TAF4: variants seen among roughly 807,000 people sequenced by gnomAD.
The protein encoded by TAF4 is TATA-box binding protein associated factor 4.
A neutral mutation model predicts 90.3 loss-of-function variants in TAF4; 9 were observed. The ratio of observed to expected loss-of-function variants is 0.10; its 90% CI spans 0.06 to 0.17. The LOEUF (loss-of-function observed/expected upper bound fraction) is 0.17, where lower values mean the gene tolerates loss of function less well. Ranked by LOEUF, TAF4 falls within the 10% of genes least tolerant of loss-of-function variation. The probability of loss-of-function intolerance (pLI) is 1.00; values close to 1 mark genes in which losing one functional copy is unlikely to be tolerated. For missense variants in TAF4, 1,351 were observed against 1,370.7 expected (o/e 0.99, Z 0.23); for synonymous variants, 818 against 638.9 (o/e 1.28, Z -4.23).
rs28382088 is a variant in TAF4, at chr20:62,003,810, G to A, written c.2292C>T (p.Pro764=). Residue 764 remains proline (P), a synonymous_variant, in exon 8 of 15, where the codon CCC becomes CCT. Transcript: ENST00000252996. The stretch of plus-strand genomic sequence containing the variant: ...TGTGAGGCTGCCGCAGGGCGACCAT[G>A]GGTGTCTGCGTCAACGTCACCTGCG... ...RPPQVTLTQT[P]MVALRQPHNR... 3.1e-6 allele frequency: 5 copies of A among 1,608,256 alleles called. No individual in the cohort carries two copies. In the Admixed American group the frequency reaches 6.7e-5, roughly 22 times the overall value.
chr20:62,045,664 T>C (rs922114808), intron 1 of TAF4, among the ~76,000 whole-genome samples: 2 of 152,232 alleles, frequency 1.3e-5, no homozygotes, highest in African/African-American at 4.8e-5. Context: ...ACTGCCTTGT[T>C]TGTGAGTGTA....
At chr20:61,992,710 C>G (rs2055638829) in intron 14 of TAF4, among the ~76,000 whole-genome samples, 1 of 152,166 alleles carries the variant, frequency 6.6e-6, no homozygotes, top group South Asian at 2.1e-4. Context: ...CCATTTCCCA[C>G]TAGAAGAAAC....
At chr20:62,045,762 G>A (rs1485863550) in intron 1 of TAF4, among the ~76,000 whole-genome samples, 4 of 152,176 alleles carry the variant, frequency 2.6e-5, no homozygotes, top group Non-Finnish European at 5.9e-5. Flanking sequence ...AAGAGCAGGC[G>A]GGCATGAAAA....
chr20:62,035,946 A>G (rs2055929879), intron 1 of TAF4, among the ~76,000 whole-genome samples: 1 of 152,074 alleles, frequency 6.6e-6, no homozygotes, highest in Admixed American at 6.6e-5. Flanking sequence ...TAGAAAATTA[A>G]TTTCCTCTAT....
At chr20:62,002,802 G>A (rs1039243241) in intron 9 of TAF4, among the ~76,000 whole-genome samples, 2 of 152,210 alleles carry the variant, frequency 1.3e-5, no homozygotes, top group African/African-American at 4.8e-5. Context: ...GAGCAGTACA[G>A]CATTTCTGAG....
intron 1 of TAF4, among the ~76,000 whole-genome samples, chr20:62,030,133 C>T (rs375149792): frequency 3.3e-5 from 5 of 152,194 alleles, no homozygotes; most frequent in East Asian, 3.9e-4. Context: ...TGTGCGGCCA[C>T]GTGCACAAGG....
chr20:62,027,896 CT>C (rs2055883493), intron 1 of TAF4, among the ~76,000 whole-genome samples: 1 of 152,250 alleles, frequency 6.6e-6, no homozygotes, highest in Non-Finnish European at 1.5e-5. Flanking sequence ...CCCTTGACCC[CT>C]CTCAGTTCCC....
At chr20:62,027,191 G>C (rs562395677) in intron 1 of TAF4, among the ~76,000 whole-genome samples, 2 of 152,318 alleles carry the variant, frequency 1.3e-5, no homozygotes, top group South Asian at 4.1e-4. Context: ...TCAGGGCCCA[G>C]TGCAGAAACC....
chr20:62,017,299 T>C (rs1015047612), intron 1 of TAF4, among the ~76,000 whole-genome samples: 3 of 152,226 alleles, frequency 2.0e-5, no homozygotes, highest in Admixed American at 6.5e-5. Context: ...GACATTCTCA[T>C]AGTGAGTGAA....
At position 61,996,401 on chromosome 20, in the gene TAF4, A is replaced by T. The variant is rs555353697; in HGVS notation, c.3090+1149T>A. On this transcript the variant is annotated intron_variant, in intron 14 of 14. Transcript: ENST00000252996. The stretch of plus-strand genomic sequence containing the variant: ...CTGCGTCTAAAAAAATTAAAAATTA[A>T]AAATTACAGCAGGACATCAGAAGAC... Among the ~76,000 whole-genome samples the T allele has an allele frequency of 1.6e-4, 25 of 152,304 alleles. No individual in the cohort carries two copies. In the South Asian group the frequency reaches 3.1e-3, roughly 19 times the overall value.
Position 62,043,501 on chromosome 20 carries a change from G to A in TAF4, c.1360+20950C>T, listed in dbSNP as rs373755638. The stretch of plus-strand genomic sequence containing the variant: ...TCCATAGTCCCTAAGCATACCCTAA[G>A]CATAGAGTGCCCCAGAGCCTACAGC... On this transcript the variant is annotated intron_variant, in intron 1 of 14. Coordinates refer to ENST00000252996, the MANE Select transcript of TAF4 (RefSeq NM_003185.4). Among the ~76,000 whole-genome samples, 109 of 152,238 alleles carry A rather than the reference G, an allele frequency of 7.2e-4. 1 individual carries two copies. In the South Asian group the frequency reaches 0.022, roughly 30 times the overall value.
At chr20:62,032,353 C>T (rs960661695) in intron 1 of TAF4, among the ~76,000 whole-genome samples, 3 of 152,346 alleles carry the variant, frequency 2.0e-5, no homozygotes, top group Non-Finnish European at 2.9e-5. Context: ...AAAGTCTACA[C>T]GTTTGTCCAG....
chr20:62,059,425 G>T (rs551641852), intron 1 of TAF4, among the ~76,000 whole-genome samples: 2 of 152,136 alleles, frequency 1.3e-5, no homozygotes, highest in Non-Finnish European at 1.5e-5. Context: ...CCCCATTTTC[G>T]AACATAACTT....
chr20:62,065,347 G>A lies in TAF4; in HGVS notation c.464C>T (p.Ala155Val). Reference sequence around the variant, plus strand: ...GGGGCCGGCGGGCTTGGCGGGGCCGGCGGGGGCGGGCTCGGGCCCCGCGGC... The same window carrying A: ...GGGGCCGGCGGGCTTGGCGGGGCCGACGGGGGCGGGCTCGGGCCCCGCGGC... ...AVAAGPEPAP[A>V]GPAKPAGPAA... The change falls in exon 1 of 15, where the codon GCC becomes GTC. Residue 155 changes from alanine to valine, a missense_variant. Coordinates refer to ENST00000252996, the MANE Select transcript of TAF4 (RefSeq NM_003185.4). The A allele has an allele frequency of 7.3e-6, 7 of 965,020 alleles. No homozygotes were observed. The highest frequency in any genetic ancestry group is 8.6e-6 in the Non-Finnish European group (7 of 817,418). 59.8% of individuals were successfully genotyped at this position (965,020 alleles called of 1,614,324 possible).
In TAF4 at chr20:61,975,198, G is replaced by A. The variant is rs750978550; in HGVS notation, c.*970C>T. The A allele has an allele frequency of 7.9e-5, 12 of 152,272 alleles. No homozygotes were observed. The highest frequency in any genetic ancestry group is 1.9e-4 in the East Asian group (1 of 5,170). 9.4% of individuals were successfully genotyped at this position (152,272 alleles called of 1,614,324 possible). ...ACAAAGAAGGGGCTTTGCTCTGGACGTCTGTAAAGTCGGCCCAAGGCTTGC... is the reference window on the plus strand; with the variant it reads ...ACAAAGAAGGGGCTTTGCTCTGGACATCTGTAAAGTCGGCCCAAGGCTTGC... On this transcript the variant is annotated 3_prime_UTR_variant, in exon 15 of 15. Coordinates refer to ENST00000252996, the MANE Select transcript of TAF4 (RefSeq NM_003185.4).
chr20:62,054,954 C>G (rs2056052119), intron 1 of TAF4, among the ~76,000 whole-genome samples: 1 of 152,166 alleles, frequency 6.6e-6, no homozygotes, highest in Non-Finnish European at 1.5e-5. Context: ...TGTCTTCACC[C>G]CTCCCTCCAG....
Position 62,065,375 on chromosome 20 carries a change from C to T in TAF4, c.436G>A (p.Val146Ile). Residue 146 changes from valine (V) to isoleucine (I), a missense_variant, in exon 1 of 15, where the codon GTC becomes ATC. Physicochemically the swap from Val to Ile is conservative, Grantham distance 29 (BLOSUM62 3). Transcript: ENST00000252996. ...GGGGCGGGCTCGGGCCCCGCGGCGACGGCGGCGGCGGCGGGCACCGGGGCG... is the reference window on the plus strand; with the variant it reads ...GGGGCGGGCTCGGGCCCCGCGGCGATGGCGGCGGCGGCGGGCACCGGGGCG... The part of the protein sequence containing the change: ...SCAPVPAAAA[V>I]AAGPEPAPAG... 1.1e-6 allele frequency: 1 copy of T among 907,640 alleles called. No individual in the cohort carries two copies. 56.2% of individuals were successfully genotyped at this position (907,640 alleles called of 1,614,324 possible).
intron 1 of TAF4, among the ~76,000 whole-genome samples, chr20:62,018,081 T>C (rs1372928910): frequency 2.6e-5 from 4 of 152,218 alleles, no homozygotes; most frequent in Non-Finnish European, 5.9e-5. Context: ...ACCATGTGAC[T>C]TCAGGCAGGT....
At chr20:62,036,002 T>C (rs2145497561) in intron 1 of TAF4, among the ~76,000 whole-genome samples, 1 of 150,984 alleles carries the variant, frequency 6.6e-6, no homozygotes, top group Non-Finnish European at 1.5e-5. Context: ...ATTAAGGAAT[T>C]AAAGGAAATT....
Sources: allele counts gnomAD v4.1 joint callset (sites outside exome capture counted in the v4.1 genomes callset), GRCh38; gene constraint gnomAD v4.1.1; transcripts MANE v1.5; gene names NCBI Gene and HGNC (gene_info 2026-07-23, HGNC 2026-07-21).